The following SLC7A14 variants were observed in gnomAD, a reference collection of about 807,000 sequenced individuals.
The protein encoded by SLC7A14 is gamma-aminobutyric acid transporter SLC7A14.
Under a neutral mutation model 60.2 loss-of-function variants are expected in SLC7A14, and 37 were observed. That is an observed-to-expected ratio of 0.61 (90% CI 0.47 to 0.81). SLC7A14 has a LOEUF of 0.81. Ranked by LOEUF, SLC7A14 falls within the 30% of genes least tolerant of loss-of-function variation. SLC7A14 has a pLI of 0.00. For synonymous variants in SLC7A14, 399 were observed against 395.8 expected, an observed-to-expected ratio of 1.01 and a Z score of -0.10; for missense variants, 886 against 982.7, an observed-to-expected ratio of 0.90 and a Z score of 1.32.
chr3:170,527,464 C>T (rs1327245187), intron 1 of SLC7A14, among the ~76,000 whole-genome samples: 1 of 152,154 alleles, frequency 6.6e-6, no homozygotes, highest in Non-Finnish European at 1.5e-5. Flanking sequence ...TAAGAAAATG[C>T]CTGGCGTATG....
In SLC7A14 at chr3:170,464,631, A is replaced by G. The variant is rs1427407266; in HGVS notation, c.*2424T>C. 2 of 152,212 alleles carry G rather than the reference A, an allele frequency of 1.3e-5. No individual in the cohort carries two copies. Among genetic ancestry groups the G allele is most frequent in the Non-Finnish European group, 2.9e-5 (2 of 68,038 alleles). The allele number at this position is 152,212 out of a possible 1,614,324, so 9.4% of individuals were successfully genotyped here. On this transcript the variant is annotated 3_prime_UTR_variant, in exon 8 of 8. Coordinates refer to ENST00000231706, the MANE Select transcript of SLC7A14 (RefSeq NM_020949.3). The stretch of plus-strand genomic sequence containing the variant: ...AAATAAAGGGAGCTAAGCTTAAAAT[A>G]TACTAATATACTATGTGGGAAAAAT...
chr3:170,569,687 C>T (rs6444935), intron 1 of SLC7A14, among the ~76,000 whole-genome samples: 1 of 151,128 alleles, frequency 6.6e-6, no homozygotes, highest in Non-Finnish European at 1.5e-5. Flanking sequence ...ACAATTTCAG[C>T]TCCTGTTATT....
chr3:170,555,195 T>C (rs569613918), intron 1 of SLC7A14, among the ~76,000 whole-genome samples: 38 of 151,120 alleles, frequency 2.5e-4, no homozygotes, highest in Non-Finnish European at 3.4e-4. Context: ...ATATAATATA[T>C]ATATTGCTTG....
At chr3:170,515,395 G>T (rs1351491236) in intron 2 of SLC7A14, among the ~76,000 whole-genome samples, 6 of 151,900 alleles carry the variant, frequency 3.9e-5, no homozygotes, top group Non-Finnish European at 8.8e-5. Flanking sequence ...GGGCGAGGCT[G>T]CTCACTAGCC....
chr3:170,509,719 T>C (rs149470416), intron 2 of SLC7A14, among the ~76,000 whole-genome samples: 24,507 of 150,650 alleles, frequency 0.16, 1,973 homozygotes, highest in Admixed American at 0.21. Context: ...CCAAGGTGGG[T>C]GGATCACCTG....
chr3:170,533,176 T>C (rs973764803), intron 1 of SLC7A14, among the ~76,000 whole-genome samples: 1 of 152,172 alleles, frequency 6.6e-6, no homozygotes, highest in African/African-American at 2.4e-5. Flanking sequence ...GCTCTTCTAC[T>C]CCTTCCAAGC....
At chr3:170,558,115 C>T (rs1714538245) in intron 1 of SLC7A14, among the ~76,000 whole-genome samples, 1 of 152,204 alleles carries the variant, frequency 6.6e-6, no homozygotes, top group South Asian at 2.1e-4. Context: ...TGCCTGTAAT[C>T]CCAGCACTTT....
At chr3:170,515,134 G>A (rs1325037721) in intron 2 of SLC7A14, among the ~76,000 whole-genome samples, 21 of 152,060 alleles carry the variant, frequency 1.4e-4, no homozygotes, top group African/African-American at 4.3e-4. Context: ...CCAACACGGC[G>A]TAACCCCATC....
Position 170,481,109 on chromosome 3 carries a change from C to T in SLC7A14, c.1173G>A (p.Ser391=), listed in dbSNP as rs3732449. 0.21 allele frequency: 345,481 copies of T among 1,613,616 alleles called. 41,303 individuals are homozygous for T. Among genetic ancestry groups the T allele is most frequent in the African/African-American group, 0.48 (36,258 of 74,820 alleles). ...GTGCGAGGAGCGCTGCCAGGAACCC[C>T]GACACGATGCAGGCCACCACTGGTG... ...TETPVVACIV[S]GFLAALLALL... Residue 391 remains serine, a synonymous_variant, in exon 7 of 8, where the codon TCG becomes TCA. Transcript: ENST00000231706.
intron 3 of SLC7A14, among the ~76,000 whole-genome samples, 189 bp from the exon 4 acceptor site, chr3:170,499,073 A>G (rs1159536574): frequency 6.6e-6 from 1 of 151,578 alleles, no homozygotes; most frequent in African/African-American, 2.4e-5. Flanking sequence ...TGTCTCTACT[A>G]AAAATACAAA....
intron 1 of SLC7A14, among the ~76,000 whole-genome samples, chr3:170,557,199 T>C (rs1322578440): frequency 6.6e-6 from 1 of 152,158 alleles, no homozygotes; most frequent in Non-Finnish European, 1.5e-5. Context: ...GGTCTTCTTA[T>C]TGGGTATAGG....
At chr3:170,569,370 C>T (rs1444831394) in intron 1 of SLC7A14, among the ~76,000 whole-genome samples, 2 of 152,182 alleles carry the variant, frequency 1.3e-5, no homozygotes, top group Non-Finnish European at 2.9e-5. Context: ...CCCACATGAT[C>T]ATGGTGGATA....
chr3:170,517,111 G>A (rs1022848710), intron 2 of SLC7A14, among the ~76,000 whole-genome samples: 1 of 152,128 alleles, frequency 6.6e-6, no homozygotes, highest in Non-Finnish European at 1.5e-5. Flanking sequence ...ATGAGATAAT[G>A]TATGCACAGT....
At chr3:170,511,954 G>C (rs192798938) in intron 2 of SLC7A14, among the ~76,000 whole-genome samples, 1 of 152,314 alleles carries the variant, frequency 6.6e-6, no homozygotes, top group African/African-American at 2.4e-5. Context: ...GAGACCTACT[G>C]TCTCTCATCC....
intron 5 of SLC7A14, among the ~76,000 whole-genome samples, chr3:170,485,772 A>T (rs1712007295): frequency 1.3e-5 from 2 of 152,134 alleles, no homozygotes; most frequent in Admixed American, 6.5e-5. Context: ...TGTAGAGGAC[A>T]ATGTATTCTC....
chr3:170,468,300 T>A (rs1175505767), intron 7 of SLC7A14, among the ~76,000 whole-genome samples: 1 of 152,028 alleles, frequency 6.6e-6, no homozygotes. Context: ...TTTCTTTTTC[T>A]TTTCTTTTTT....
chr3:170,479,348 G>A (rs1711736617), intron 7 of SLC7A14, among the ~76,000 whole-genome samples: 1 of 152,104 alleles, frequency 6.6e-6, no homozygotes, highest in South Asian at 2.1e-4. Flanking sequence ...TACAAATAGT[G>A]ACTAAGGAAC....
At chr3:170,507,539 A>G (rs2108283824) in intron 2 of SLC7A14, among the ~76,000 whole-genome samples, 1 of 152,190 alleles carries the variant, frequency 6.6e-6, no homozygotes, top group Admixed American at 6.5e-5. Context: ...CAGAAAAAAA[A>G]TAGAGGAAAG....
intron 1 of SLC7A14, among the ~76,000 whole-genome samples, chr3:170,565,158 C>A (rs1157661548): frequency 6.6e-6 from 1 of 152,024 alleles, no homozygotes; most frequent in Non-Finnish European, 1.5e-5. Context: ...GACATACAAG[C>A]AGGAAGTAGG....
Sources: gnomAD v4.1 joint callset for allele counts (sites outside exome capture counted in the v4.1 genomes callset) on GRCh38, gnomAD v4.1.1 for gene constraint, MANE v1.5 for transcripts, NCBI Gene and HGNC (gene_info 2026-07-23, HGNC 2026-07-21) for gene names.